Variants in SPINK8 observed in about 807,000 individuals in gnomAD.
SPINK8 encodes the protein serine protease inhibitor Kazal-type 8.
Under a neutral mutation model 14.4 loss-of-function variants are expected in SPINK8, and 12 were observed. The ratio of observed to expected loss-of-function variants is 0.83; its 90% confidence interval spans 0.53 to 1.35. The LOEUF is 1.35. Ranked by LOEUF, SPINK8 falls within the 40% of genes most tolerant of loss-of-function variation. The pLI is 0.00. For synonymous variants in SPINK8, 32 were observed against 37.6 expected, an observed-to-expected ratio of 0.85 and a Z score of 0.55; for missense variants, 103 against 117.0, an observed-to-expected ratio of 0.88 and a Z score of 0.55.
chr3:48,330,821 C>T (rs763647825), intron 2 of SPINK8, among the ~76,000 whole-genome samples: 2 of 100,036 alleles, frequency 2.0e-5, no homozygotes, highest in Non-Finnish European at 5.4e-5. Context: ...TCTTAGTCAG[C>T]CTAAGAAATC....
At chr3:48,331,242 G>T (rs188269751) in intron 2 of SPINK8, among the ~76,000 whole-genome samples, 1 of 152,110 alleles carries the variant, frequency 6.6e-6, no homozygotes, top group Non-Finnish European at 1.5e-5. Context: ...CAATATTTCC[G>T]GGAAGCCGCA....
chr3:48,315,958 G>A (rs915322041), intron 6 of SPINK8, among the ~76,000 whole-genome samples: 1 of 152,076 alleles, frequency 6.6e-6, no homozygotes, highest in Non-Finnish European at 1.5e-5. Flanking sequence ...AGTCAAATGT[G>A]CTTGAAGATA....
At chr3:48,316,333 C>T (rs367682825) in intron 6 of SPINK8, 1 of 155,822 alleles carries the variant, frequency 6.4e-6, no homozygotes, top group African/African-American at 2.4e-5. Flanking sequence ...ATCCAAAAAG[C>T]AGAAAGGGAG....
intron 4 of SPINK8, among the ~76,000 whole-genome samples, chr3:48,321,868 A>G (rs2036080802): frequency 6.6e-6 from 1 of 151,338 alleles, no homozygotes; most frequent in Non-Finnish European, 1.5e-5. Flanking sequence ...GCTGGAGTGC[A>G]TTGACACGAT....
Position 48,332,560 on chromosome 3 carries a change from C to T in SPINK8, c.-241-89G>A, listed in dbSNP as rs558608457. Reference sequence around the variant, plus strand: ...TAGCATGCAAGTTAGCAAATGTCTGCGGCACCAATCTCCACATTCTGATTC... The same window carrying T: ...TAGCATGCAAGTTAGCAAATGTCTGTGGCACCAATCTCCACATTCTGATTC... On this transcript the variant is annotated intron_variant, in intron 1 of 7. Transcript: ENST00000434006. Among the ~76,000 whole-genome samples, 17 of 152,276 alleles carry T rather than the reference C, an allele frequency of 1.1e-4. No homozygotes were observed. The South Asian group carries it at 2.5e-3, about 22-fold the overall frequency.
chr3:48,315,985 C>T (rs912739282), intron 6 of SPINK8, among the ~76,000 whole-genome samples: 1 of 151,692 alleles, frequency 6.6e-6, no homozygotes, highest in Non-Finnish European at 1.5e-5. Flanking sequence ...TGAATAGTAA[C>T]CAGTTTGAGG....
intron 7 of SPINK8, among the ~76,000 whole-genome samples, chr3:48,309,265 ATC>A (rs1305246314): frequency 6.6e-6 from 1 of 152,272 alleles, no homozygotes; most frequent in African/African-American, 2.4e-5. Flanking sequence ...TGCAATAATG[ATC>A]TCTATGGCTT....
At position 48,321,020 on chromosome 3, in the gene SPINK8, C is replaced by T. The variant is rs1050868111; in HGVS notation, c.117+5G>A. Reference sequence around the variant, plus strand: ...GTTATTAGGAACCAAGGAAGCAGTACTCACTATTGTTTTGTCTAGCTGACC... The same window carrying T: ...GTTATTAGGAACCAAGGAAGCAGTATTCACTATTGTTTTGTCTAGCTGACC... On this transcript the variant is annotated splice_donor_5th_base_variant and intron_variant, in intron 5 of 7. Coordinates refer to ENST00000434006, the MANE Select transcript of SPINK8 (RefSeq NM_001080525.3). The T allele has an allele frequency of 1.5e-5, 24 of 1,588,632 alleles. No individual in the cohort carries two copies. In the Middle Eastern group the frequency reaches 3.1e-3, roughly 208 times the overall value.
At chr3:48,319,769 G>T (rs1436108152) in intron 5 of SPINK8, among the ~76,000 whole-genome samples, 151 bp from the exon 6 acceptor site, 1 of 152,088 alleles carries the variant, frequency 6.6e-6, no homozygotes, top group Non-Finnish European at 1.5e-5. Flanking sequence ...GACCCCAACA[G>T]TTACCACCCA....
At chr3:48,316,514 T>C (rs569020333) in intron 6 of SPINK8, 2 of 153,882 alleles carry the variant, frequency 1.3e-5, no homozygotes, top group African/African-American at 2.4e-5. Flanking sequence ...ACACCTATAA[T>C]CCCAGCACTT....
At chr3:48,313,734 TA>T (rs548087046) in intron 6 of SPINK8, among the ~76,000 whole-genome samples, 34 of 152,084 alleles carry the variant, frequency 2.2e-4, no homozygotes, top group Non-Finnish European at 4.1e-4. Context: ...AATGAATAAA[TA>T]AAAAAATTGT....
At position 48,321,059 on chromosome 3, in the gene SPINK8, A is replaced by T; in HGVS notation, c.83T>A (p.Met28Lys). 6.3e-7 allele frequency: 1 copy of T among 1,586,986 alleles called. No individual in the cohort carries two copies. The highest frequency in any genetic ancestry group is 8.6e-7 in the Non-Finnish European group (1 of 1,165,356). Residue 28 changes from methionine to lysine, a missense_variant, in exon 5 of 8, where the codon ATG (methionine) becomes AAG (lysine). By Grantham distance (95) the Met-to-Lys change is moderately conservative. Coordinates refer to ENST00000434006, the MANE Select transcript of SPINK8 (RefSeq NM_001080525.3). ...MAFAIDFPLPMASERGQLDKT... is the reference protein window; with the variant it reads ...MAFAIDFPLPKASERGQLDKT... The stretch of plus-strand genomic sequence containing the variant: ...GTCTAGCTGACCTCTTTCAGAGGCC[A>T]TAGGAAGGGGGAAGTCTGGAAGACA...
Position 48,307,961 on chromosome 3 carries a change from CTTTTTTTTTTTT to C in SPINK8, c.283-970_283-959del, listed in dbSNP as rs869147798. Among the ~76,000 whole-genome samples, 113 of 68,218 alleles carry C rather than the reference CTTTTTTTTTTTT, an allele frequency of 1.7e-3. 1 individual carries two copies. Among genetic ancestry groups the C allele is most frequent in the Non-Finnish European group, 2.3e-3 (87 of 37,740 alleles). The allele number at this position is 68,218 out of a possible 152,430, so 44.8% of individuals were successfully genotyped here. On this transcript the variant is annotated intron_variant, in intron 7 of 7. Transcript: ENST00000434006. ...ATGAATTCTGACTTCAGTCTGCATT[CTTTTTTTTTTTT>C]TTTTTTTTTTTTTTTTTTGAGACGG... is the stretch of plus-strand genomic sequence containing the variant.
At chr3:48,307,812 C>T (rs958116248) in intron 7 of SPINK8, among the ~76,000 whole-genome samples, 5 of 151,852 alleles carry the variant, frequency 3.3e-5, no homozygotes, top group Non-Finnish European at 7.4e-5. Context: ...AGATTTGTGA[C>T]TTTTTCTTCA....
chr3:48,333,095 G>T (rs1416753374), intron 1 of SPINK8, among the ~76,000 whole-genome samples: 2 of 152,122 alleles, frequency 1.3e-5, no homozygotes, highest in Non-Finnish European at 2.9e-5. Flanking sequence ...TTCCTGTAGG[G>T]CATAAATCAC....
chr3:48,327,467 G>A (rs559931332), intron 4 of SPINK8, among the ~76,000 whole-genome samples: 1 of 152,338 alleles, frequency 6.6e-6, no homozygotes, highest in African/African-American at 2.4e-5. Flanking sequence ...GTCCACTTTG[G>A]TTGAGTTATG....
chr3:48,312,346 G>T (rs1220216067), intron 6 of SPINK8, among the ~76,000 whole-genome samples: 4 of 152,046 alleles, frequency 2.6e-5, no homozygotes, highest in Non-Finnish European at 5.9e-5. Context: ...ACATGCAAAA[G>T]AATAACATTA....
chr3:48,329,443 C>T (rs1302031491), intron 2 of SPINK8, among the ~76,000 whole-genome samples, 169 bp from the exon 3 acceptor site: 3 of 152,140 alleles, frequency 2.0e-5, no homozygotes, highest in Admixed American at 1.3e-4. Context: ...CTGTTCTTGC[C>T]AAAGCTGAAC....
intron 5 of SPINK8, among the ~76,000 whole-genome samples, chr3:48,320,514 C>T (rs560478441): frequency 6.6e-6 from 1 of 151,854 alleles, no homozygotes; most frequent in South Asian, 2.1e-4. Flanking sequence ...CGCCACTGCA[C>T]TCCAGCCTGG....
Sources: allele counts gnomAD v4.1 joint callset (sites outside exome capture counted in the v4.1 genomes callset), GRCh38; gene constraint gnomAD v4.1.1; transcripts MANE v1.5; gene names NCBI Gene and HGNC (gene_info 2026-07-23, HGNC 2026-07-21).